The following SEL1L3 variants were observed in gnomAD, a reference collection of about 807,000 sequenced individuals.
The protein encoded by SEL1L3 is protein sel-1 homolog 3.
In SEL1L3, 76 loss-of-function variants were observed where a neutral mutation model predicts 142.8. The ratio of observed to expected loss-of-function variants is 0.53; its 90% CI spans 0.44 to 0.64. The LOEUF is 0.64. Among genes scored for constraint, SEL1L3 ranks in the 30% least tolerant of loss-of-function variants. SEL1L3 has a pLI of 0.00. For synonymous variants in SEL1L3, 504 were observed against 519.6 expected (o/e 0.97, Z 0.41); for missense variants, 1,262 against 1,381.7 (o/e 0.91, Z 1.37).
Position 25,782,715 on chromosome 4 carries a change from C to T in SEL1L3, c.2281-297G>A, listed in dbSNP as rs377348887. On this transcript the variant is annotated intron_variant, in intron 14 of 23. Coordinates refer to ENST00000399878, the MANE Select transcript of SEL1L3 (RefSeq NM_015187.5). Reference sequence around the variant, plus strand: ...GGCTCTTACGCAACACGCTTGTCTACAAAAGGCCTCTGATTGCCCTGCCGC... The same window carrying T: ...GGCTCTTACGCAACACGCTTGTCTATAAAAGGCCTCTGATTGCCCTGCCGC... 4.7e-4 allele frequency among the ~76,000 whole-genome samples: 71 copies of T among 152,268 alleles called. 2 individuals carry two copies. The South Asian group carries it at 0.013, about 28-fold the overall frequency.
intron 7 of SEL1L3, among the ~76,000 whole-genome samples, chr4:25,821,387 G>C (rs999264698): frequency 4.6e-5 from 7 of 152,252 alleles, no homozygotes; most frequent in South Asian, 2.1e-4. Flanking sequence ...TGCCCTGAAG[G>C]CTCCCTCATA....
At chr4:25,757,847 A>G in intron 21 of SEL1L3, 57 bp from the exon 22 acceptor site, 2 of 1,234,348 alleles carry the variant, frequency 1.6e-6, no homozygotes, top group South Asian at 2.6e-5. Context: ...GGCACGACTC[A>G]GGACTGGCAT....
downstream of SEL1L3, among the ~76,000 whole-genome samples, chr4:25,745,430 G>A (rs1312880526): frequency 6.6e-6 from 1 of 151,864 alleles, no homozygotes; most frequent in Non-Finnish European, 1.5e-5. Context: ...AGGCAGAATT[G>A]AGCAGAGTGA....
intron 23 of SEL1L3, among the ~76,000 whole-genome samples, chr4:25,750,540 G>T (rs1006535573): frequency 2.0e-5 from 3 of 152,196 alleles, no homozygotes; most frequent in African/African-American, 7.2e-5. Context: ...TATGCTATAA[G>T]TAAGATCATG....
chr4:25,769,250 G>A (rs1028558026), intron 17 of SEL1L3, among the ~76,000 whole-genome samples: 3 of 152,142 alleles, frequency 2.0e-5, no homozygotes, highest in Admixed American at 6.5e-5. Context: ...GCAGCTTCTG[G>A]CAGGCAATCC....
intron 11 of SEL1L3, among the ~76,000 whole-genome samples, chr4:25,791,094 C>T (rs73260004): frequency 0.2 from 30,811 of 152,180 alleles, 3,223 homozygotes; most frequent in Middle Eastern, 0.26. Flanking sequence ...CCACTTCGTG[C>T]AACTGATTTC....
rs185283056 is a variant in SEL1L3 at position 25,797,809 on chromosome 4, C to T, written c.1956+4474G>A. Among the ~76,000 whole-genome samples, 318 of 152,302 alleles carry T rather than the reference C, an allele frequency of 2.1e-3. 3 individuals carry two copies. Among genetic ancestry groups the T allele is most frequent in the African/African-American group, 7.3e-3 (304 of 41,568 alleles). ...CCGGGACACAGAGGTGAACAGATGA[C>T]GTCCTTGCCTCAGGCAGCTCATAGT... On this transcript the variant is annotated intron_variant, in intron 11 of 23. Coordinates refer to ENST00000399878, the MANE Select transcript of SEL1L3 (RefSeq NM_015187.5).
At chr4:25,729,282 G>T in the SEL1L3 span, among the ~76,000 whole-genome samples, 1 of 152,220 alleles carries the variant, frequency 6.6e-6, no homozygotes, top group Non-Finnish European at 1.5e-5. Context: ...TTGACATATA[G>T]ACCTAATTTT....
At chr4:25,725,840 T>C in the SEL1L3 span, among the ~76,000 whole-genome samples, 1 of 152,160 alleles carries the variant, frequency 6.6e-6, no homozygotes, top group Non-Finnish European at 1.5e-5. Flanking sequence ...TTTAGCATGC[T>C]AACGTATTAT....
intron 11 of SEL1L3, among the ~76,000 whole-genome samples, chr4:25,792,533 G>T (rs1479168104): frequency 6.6e-6 from 1 of 152,252 alleles, no homozygotes; most frequent in Non-Finnish European, 1.5e-5. Flanking sequence ...ACTGTCCTGG[G>T]TGGGGAGCCT....
intron 20 of SEL1L3, among the ~76,000 whole-genome samples, chr4:25,762,960 G>C (rs1270570930): frequency 6.9e-6 from 1 of 144,932 alleles, no homozygotes; most frequent in Non-Finnish European, 1.5e-5. Flanking sequence ...TGGCGACAGA[G>C]TGAGACTCTG....
At chr4:25,829,998 TG>T in intron 6 of SEL1L3, 99 bp downstream of exon 6, 1 of 748,488 alleles carries the variant, frequency 1.3e-6, no homozygotes. Context: ...AAAAGCTGAA[TG>T]AAGAGATGTG....
At chr4:25,804,121 G>A (rs1713390251) in intron 10 of SEL1L3, among the ~76,000 whole-genome samples, 1 of 152,202 alleles carries the variant, frequency 6.6e-6, no homozygotes, top group South Asian at 2.1e-4. Context: ...CTGGTATGGC[G>A]TTTATTTTGA....
rs1713963198 is a variant in SEL1L3 at position 25,810,704 on chromosome 4, C to T, written c.1565-5952G>A. ...TTCCGGAGTCCTGAACGTGGGGTCT[C>T]ATGTTGGATGCCACCCCAGAGTCTA... On this transcript the variant is annotated intron_variant, in intron 9 of 23. Coordinates refer to ENST00000399878, the MANE Select transcript of SEL1L3 (RefSeq NM_015187.5). 1.3e-5 allele frequency among the ~76,000 whole-genome samples: 2 copies of T among 152,146 alleles called. 1 individual carries two copies. Among genetic ancestry groups the T allele is most frequent in the South Asian group, 4.1e-4 (2 of 4,824 alleles).
the SEL1L3 span, among the ~76,000 whole-genome samples, chr4:25,732,516 A>C: frequency 6.6e-6 from 1 of 152,172 alleles, no homozygotes; most frequent in African/African-American, 2.4e-5. Flanking sequence ...TAGTCTTTTT[A>C]ACTTTAGCTA....
Position 25,782,414 on chromosome 4 carries a change from A to G in SEL1L3, c.2285T>C (p.Leu762Ser). Residue 762 changes from leucine (L) to serine (S), a missense_variant, in exon 15 of 24, where the codon TTG becomes TCG. Around this residue, in one of 3 missense-constraint regions of SEL1L3, gnomAD observed 435 missense variants for 559.2 expected, o/e 0.78. Transcript: ENST00000399878. ...TCCCAGGCCATTGACTGCCTGATGC[A>G]ATCCCTGAATTTTGGAACAAGAAAG... ...ELMKKAASKG[L>S]HQAVNGLGWY... The G allele has an allele frequency of 1.9e-6, 3 of 1,610,160 alleles. No individual in the cohort carries two copies. The highest frequency in any genetic ancestry group is 4.5e-5 in the East Asian group (2 of 44,854).
rs368676248 is a variant in SEL1L3 at position 25,756,770 on chromosome 4, C to T, written c.3259+764G>A. On this transcript the variant is annotated intron_variant, in intron 23 of 23. Transcript: ENST00000399878. The stretch of plus-strand genomic sequence containing the variant: ...CCTGCTCAGTCCCTCCCTCTGAGTC[C>T]GTGTGGCCGAGGATTTTTATTCATT... 2.0e-4 allele frequency: 233 copies of T among 1,168,660 alleles called. No homozygotes were observed. The African/African-American group carries it at 2.3e-3, about 11-fold the overall frequency. The allele number at this position is 1,168,660 out of a possible 1,614,324, so 72.4% of individuals were successfully genotyped here. A position where few individuals can be genotyped will look rare whatever the true frequency, so the allele number is the denominator to read the frequency against.
chr4:25,750,396 A>T (rs1395999885), intron 23 of SEL1L3, among the ~76,000 whole-genome samples: 1 of 152,184 alleles, frequency 6.6e-6, no homozygotes, highest in Non-Finnish European at 1.5e-5. Context: ...CTCTGCTGTT[A>T]GGAAGAACAT....
At chr4:25,841,509 G>A (rs1014250506) in intron 2 of SEL1L3, among the ~76,000 whole-genome samples, 30 of 152,316 alleles carry the variant, frequency 2.0e-4, no homozygotes, top group Non-Finnish European at 4.0e-4. Context: ...TGGTAGTTTA[G>A]CCTAATGAAT....
Sources: gnomAD v4.1 joint callset for allele counts (sites outside exome capture counted in the v4.1 genomes callset) on GRCh38, gnomAD v4.1.1 for gene constraint, gnomAD v4.1.1 regional missense constraint, MANE v1.5 for transcripts, NCBI Gene and HGNC (gene_info 2026-07-23, HGNC 2026-07-21) for gene names.